The following FYB1 variants were observed in gnomAD, a reference collection of about 807,000 sequenced individuals.
FYB1 encodes FYN binding protein 1.
A neutral mutation model predicts 94.1 loss-of-function variants in FYB1; 41 were observed. The ratio of observed to expected loss-of-function variants is 0.44; its 90% CI spans 0.34 to 0.57. The LOEUF is 0.57. Ranked by LOEUF, FYB1 falls within the 20% of genes least tolerant of loss-of-function variation. FYB1 has a pLI of 0.02. For synonymous variants in FYB1, 367 were observed against 353.2 expected (o/e 1.04, Z -0.44); for missense variants, 1,050 against 976.8 (o/e 1.07, Z -1.00).
Position 39,244,988 on chromosome 5 carries a change from C to T in FYB1, c.-28+29415G>A, listed in dbSNP as rs1038471373. ...ATTTCTGTGGGATCGGTGGTGATATCCCCTTTATCATTTTTTATTGTTTCT... is the reference window on the plus strand; with the variant it reads ...ATTTCTGTGGGATCGGTGGTGATATTCCCTTTATCATTTTTTATTGTTTCT... On this transcript the variant is annotated intron_variant, in intron 1 of 1. Coordinates refer to the FYB1 transcript ENST00000510188. Among the ~76,000 whole-genome samples, 7 of 151,974 alleles carry T rather than the reference C, an allele frequency of 4.6e-5. No individual in the cohort carries two copies. The East Asian group carries it at 1.3e-3, about 29-fold the overall frequency.
chr5:39,132,585 C>T (rs1281254524), intron 9 of FYB1, among the ~76,000 whole-genome samples: 1 of 152,008 alleles, frequency 6.6e-6, no homozygotes, highest in Non-Finnish European at 1.5e-5. Context: ...TTTTTAGAGT[C>T]GTGGTATGTA....
At chr5:39,193,277 T>A (rs1747529988) in intron 2 of FYB1, among the ~76,000 whole-genome samples, 2 of 152,206 alleles carry the variant, frequency 1.3e-5, no homozygotes, top group Non-Finnish European at 2.9e-5. Flanking sequence ...AAATCGATGA[T>A]CTTTTTGGAA....
At chr5:39,110,518 T>C (rs1432949724) in intron 16 of FYB1, 129 bp from the exon 17 acceptor site, 3 of 510,524 alleles carry the variant, frequency 5.9e-6, no homozygotes, top group Non-Finnish European at 1.0e-5. Context: ...TCTCTGGAAA[T>C]GACCCATTTT....
intron 3 of FYB1, among the ~76,000 whole-genome samples, chr5:39,148,380 G>GTTTTTTT (rs1561176115): frequency 2.0e-4 from 13 of 66,482 alleles, no homozygotes; most frequent in Non-Finnish European, 2.9e-4. Context: ...ATTATCAGCA[G>GTTTTTTT]GTTTTTTTTT....
intron 3 of FYB1, among the ~76,000 whole-genome samples, chr5:39,151,996 T>C (rs1028723262): frequency 2.0e-5 from 3 of 152,212 alleles, no homozygotes; most frequent in African/African-American, 7.2e-5. Flanking sequence ...CTTCCCCTTC[T>C]TGGGGAAAAT....
At chr5:39,192,520 TTTC>T (rs1747451460) in intron 2 of FYB1, among the ~76,000 whole-genome samples, 1 of 152,220 alleles carries the variant, frequency 6.6e-6, no homozygotes, top group South Asian at 2.1e-4. Context: ...TGGGCAATAT[TTTC>T]TTATTTTTTG....
intron 1 of FYB1, among the ~76,000 whole-genome samples, chr5:39,226,722 A>G (rs1445187190): frequency 6.6e-6 from 1 of 152,162 alleles, no homozygotes; most frequent in Non-Finnish European, 1.5e-5. Flanking sequence ...CTCAAACTTT[A>G]GTGTTCATAA....
At chr5:39,257,496 A>G (rs1406045175) in intron 1 of FYB1, among the ~76,000 whole-genome samples, 1 of 149,058 alleles carries the variant, frequency 6.7e-6, no homozygotes, top group Non-Finnish European at 1.5e-5. Context: ...GACAGGCATT[A>G]TGCTGAAGAT....
At chr5:39,151,382 TG>T (rs61526555) in intron 3 of FYB1, among the ~76,000 whole-genome samples, 8,039 of 152,226 alleles carry the variant, frequency 0.053, 697 homozygotes, top group African/African-American at 0.18. Flanking sequence ...CTCGACTTCC[TG>T]GGCTGAAGCA....
intron 2 of FYB1, among the ~76,000 whole-genome samples, chr5:39,156,254 C>A (rs1392673631): frequency 1.3e-5 from 2 of 152,128 alleles, no homozygotes; most frequent in Non-Finnish European, 2.9e-5. Flanking sequence ...CTAATGGGCC[C>A]TCTGTGGTTC....
intron 3 of FYB1, among the ~76,000 whole-genome samples, chr5:39,148,102 G>C (rs1477769768): frequency 7.1e-6 from 1 of 139,960 alleles, no homozygotes; most frequent in African/African-American, 2.7e-5. Context: ...CCCGGCTCCT[G>C]CAATTCTTCC....
chr5:39,177,907 C>T (rs907412667), intron 2 of FYB1, among the ~76,000 whole-genome samples: 6 of 152,226 alleles, frequency 3.9e-5, no homozygotes, highest in Non-Finnish European at 5.9e-5. Flanking sequence ...GCTTCCCCAT[C>T]TCAAGCAAAT....
At chr5:39,220,081 A>C (rs1750166670), upstream of FYB1, among the ~76,000 whole-genome samples, 2 of 152,134 alleles carry the variant, frequency 1.3e-5, no homozygotes, top group South Asian at 4.1e-4. Flanking sequence ...AGGCTGGAAG[A>C]AATGGAGTAT....
At chr5:39,184,262 T>C (rs1247207925) in intron 2 of FYB1, among the ~76,000 whole-genome samples, 1 of 152,190 alleles carries the variant, frequency 6.6e-6, no homozygotes, top group African/African-American at 2.4e-5. Context: ...CTGAAATATT[T>C]TGAAGTTCTG....
intron 1 of FYB1, among the ~76,000 whole-genome samples, chr5:39,254,810 A>C (rs916149886): frequency 6.6e-6 from 1 of 152,196 alleles, no homozygotes; most frequent in Admixed American, 6.5e-5. Flanking sequence ...GGACACACCA[A>C]ATCAAGAGGG....
chr5:39,174,188 G>A (rs1044860710), intron 2 of FYB1, among the ~76,000 whole-genome samples: 2 of 151,998 alleles, frequency 1.3e-5, no homozygotes, highest in African/African-American at 2.4e-5. Flanking sequence ...GAATTCCTAG[G>A]TATTTTATTT....
At chr5:39,259,730 T>C (rs1752136728) in intron 1 of FYB1, among the ~76,000 whole-genome samples, 1 of 152,012 alleles carries the variant, frequency 6.6e-6, no homozygotes, top group South Asian at 2.1e-4. Flanking sequence ...AAACAGAATA[T>C]AAGAATATTT....
intron 2 of FYB1, chr5:39,169,831 A>G (rs1198030701): frequency 1.9e-6 from 1 of 525,684 alleles, no homozygotes; most frequent in Non-Finnish European, 3.7e-6. Context: ...GATGGTGGTT[A>G]TACTGGGGTT....
chr5:39,225,700 A>AAAG (rs1465956633), intron 1 of FYB1, among the ~76,000 whole-genome samples: 2 of 152,230 alleles, frequency 1.3e-5, no homozygotes, highest in Non-Finnish European at 2.9e-5. Flanking sequence ...AGAGATTTTT[A>AAAG]AAGTATAAGA....
Sources: allele counts gnomAD v4.1 joint callset (sites outside exome capture counted in the v4.1 genomes callset), GRCh38; gene constraint gnomAD v4.1.1; transcripts MANE v1.5; gene names NCBI Gene and HGNC (gene_info 2026-07-23, HGNC 2026-07-21).